Variants in MON2 observed in about 807,000 individuals in gnomAD.
The protein encoded by MON2 is MON2 regulator of endosome-to-Golgi trafficking, also known as protein MON2 homolog.
A neutral mutation model predicts 208.6 loss-of-function variants in MON2; 84 were observed. The ratio of observed to expected loss-of-function variants is 0.40; its 90% CI spans 0.34 to 0.48. The LOEUF (loss-of-function observed/expected upper bound fraction) is 0.48, where lower values mean the gene tolerates loss of function less well. Among genes scored for constraint, MON2 ranks in the 20% least tolerant of loss-of-function variants. The probability of loss-of-function intolerance (pLI) is 0.59; values close to 1 mark genes in which losing one functional copy is unlikely to be tolerated. For missense variants in MON2, 1,611 were observed against 2,015.4 expected (o/e 0.80, Z 3.84); for synonymous variants, 660 against 694.0 (o/e 0.95, Z 0.77).
chr12:62,535,538 G>A lies in MON2; in HGVS notation c.1729G>A (p.Ala577Thr). ...LLLDASTDEA[A>T]TENILKAELT... Reference sequence around the variant, plus strand: ...CTTTCTTTTCAGCACAGATGAAGCTGCCACTGAGAATATTTTAAAAGCTGA... The same window carrying A: ...CTTTCTTTTCAGCACAGATGAAGCTACCACTGAGAATATTTTAAAAGCTGA... Residue 577 changes from alanine (A) to threonine (T), a missense_variant, in exon 14 of 35, where the codon GCC becomes ACC. By Grantham distance (58) the Ala-to-Thr change is moderately conservative. Transcript: ENST00000393630. 1 of 1,604,900 alleles carries A rather than the reference G, an allele frequency of 6.2e-7. No homozygotes were observed. Among genetic ancestry groups the A allele is most frequent in the Non-Finnish European group, 8.5e-7 (1 of 1,176,850 alleles).
rs780432201 is a variant in MON2 at position 62,560,871 on chromosome 12, C to G, written c.3790C>G (p.Leu1264Val). Residue 1264 changes from leucine to valine, a missense_variant, in exon 26 of 35, where the codon CTA (leucine) becomes GTA (valine). By Grantham distance (32) the Leu-to-Val change is conservative. Coordinates refer to ENST00000393630, the MANE Select transcript of MON2 (RefSeq NM_015026.3). ...STKPPITFDK[L>V]TFIPSQPFLT... Reference sequence around the variant, plus strand: ...TAAGCCTCCTATTACTTTTGATAAACTAACTTTTATTCCTAGCCAGCCTTT... The same window carrying G: ...TAAGCCTCCTATTACTTTTGATAAAGTAACTTTTATTCCTAGCCAGCCTTT... The G allele has an allele frequency of 5.6e-6, 9 of 1,613,928 alleles. No individual in the cohort carries two copies. The highest frequency in any genetic ancestry group is 2.7e-5 in the African/African-American group (2 of 74,918).
intron 7 of MON2, 59 bp downstream of exon 7, chr12:62,501,757 TAAAG>T: frequency 1.3e-6 from 2 of 1,588,534 alleles, no homozygotes; most frequent in Non-Finnish European, 1.7e-6. Context: ...CAGATATTTT[TAAAG>T]AAAGCAACGT....
chr12:62,480,912 A>C (rs1227021263), intron 1 of MON2, among the ~76,000 whole-genome samples: 1 of 152,230 alleles, frequency 6.6e-6, no homozygotes, highest in Non-Finnish European at 1.5e-5. Context: ...GGAGAAGTTA[A>C]ACTCGAAAAT....
At chr12:62,472,701 T>G (rs2068854567) in intron 1 of MON2, among the ~76,000 whole-genome samples, 1 of 152,178 alleles carries the variant, frequency 6.6e-6, no homozygotes. Context: ...TGTCATTGGC[T>G]CTCCTGGTTG....
At chr12:62,544,854 A>T in intron 20 of MON2, 44 bp from the exon 21 acceptor site, 1 of 1,586,802 alleles carries the variant, frequency 6.3e-7, no homozygotes. Flanking sequence ...TGTGTGATTC[A>T]TAGCTTAAGT....
At chr12:62,503,131 T>A (rs1229458314) in intron 7 of MON2, among the ~76,000 whole-genome samples, 1 of 152,204 alleles carries the variant, frequency 6.6e-6, no homozygotes, top group Non-Finnish European at 1.5e-5. Flanking sequence ...CCAGATTCCT[T>A]ACATATTAAT....
intron 4 of MON2, among the ~76,000 whole-genome samples, chr12:62,496,554 T>C (rs2070498503): frequency 6.6e-6 from 1 of 152,204 alleles, no homozygotes. Flanking sequence ...AAACTACCAT[T>C]ATGTTTTTCT....
chr12:62,565,758 A>C (rs1314341963), intron 27 of MON2, among the ~76,000 whole-genome samples: 2 of 152,210 alleles, frequency 1.3e-5, no homozygotes, highest in African/African-American at 4.8e-5. Context: ...CCTGCCATGC[A>C]AGATGAAGAA....
intron 8 of MON2, among the ~76,000 whole-genome samples, chr12:62,519,170 C>T (rs1239319815): frequency 7.9e-5 from 12 of 152,198 alleles, no homozygotes; most frequent in East Asian, 5.8e-4. Flanking sequence ...CAAAACACCC[C>T]GACGGGTCAC....
At chr12:62,484,915 C>CTTTTTTTTTT (rs71084000) in intron 2 of MON2, 3 of 132,546 alleles carry the variant, frequency 2.3e-5, no homozygotes, top group Non-Finnish European at 4.8e-5. Context: ...GGTAAACTGG[C>CTTTTTTTTTT]TTTTTTTTTT....
chr12:62,547,143 C>T, intron 22 of MON2, 71 bp downstream of exon 22: 1 of 1,072,620 alleles, frequency 9.3e-7, no homozygotes, highest in Non-Finnish European at 1.2e-6. Context: ...AAATTAACAT[C>T]AAAAAAGTGA....
chr12:62,541,325 A>G (rs1418153060), intron 19 of MON2, among the ~76,000 whole-genome samples: 2 of 151,652 alleles, frequency 1.3e-5, no homozygotes, highest in Non-Finnish European at 1.5e-5. Flanking sequence ...CTGTGAGCCA[A>G]GATTGCGCCA....
chr12:62,517,528 G>A (rs1344792042), intron 8 of MON2, among the ~76,000 whole-genome samples: 2 of 152,022 alleles, frequency 1.3e-5, no homozygotes, highest in Non-Finnish European at 1.5e-5. Flanking sequence ...AAGGCATGAG[G>A]GTGGGACTCT....
intron 26 of MON2, 34 bp downstream of exon 26, chr12:62,561,147 T>C: frequency 6.6e-7 from 1 of 1,511,716 alleles, no homozygotes; most frequent in Non-Finnish European, 8.9e-7. Context: ...TAATACTGCA[T>C]ATAGTTCTCT....
At chr12:62,517,557 C>G (rs965352484) in intron 8 of MON2, among the ~76,000 whole-genome samples, 1 of 152,072 alleles carries the variant, frequency 6.6e-6, no homozygotes, top group African/African-American at 2.4e-5. Flanking sequence ...GATTAGTTCC[C>G]TCATAGAAAG....
At chr12:62,516,686 A>G (rs2071710015) in intron 8 of MON2, among the ~76,000 whole-genome samples, 1 of 152,208 alleles carries the variant, frequency 6.6e-6, no homozygotes, top group Non-Finnish European at 1.5e-5. Flanking sequence ...GCTGGGCAAC[A>G]AGAGCAAAAC....
chr12:62,498,284 A>G (rs2070644784), intron 4 of MON2, among the ~76,000 whole-genome samples: 1 of 152,180 alleles, frequency 6.6e-6, no homozygotes, highest in Admixed American at 6.5e-5. Context: ...GAAAATGTCC[A>G]TTGATCTGCA....
intron 30 of MON2, among the ~76,000 whole-genome samples, chr12:62,574,818 G>A (rs1178272209): frequency 6.6e-6 from 1 of 152,060 alleles, no homozygotes; most frequent in Non-Finnish European, 1.5e-5. Flanking sequence ...CCATCACTAG[G>A]CATTATTTTC....
At chr12:62,522,218 T>C (rs1565643070) in intron 8 of MON2, among the ~76,000 whole-genome samples, 1 of 152,088 alleles carries the variant, frequency 6.6e-6, no homozygotes, top group Admixed American at 6.6e-5. Flanking sequence ...AGCATATCTC[T>C]TTTCTGCCCT....
Sources: gnomAD v4.1 joint callset for allele counts (sites outside exome capture counted in the v4.1 genomes callset) on GRCh38, gnomAD v4.1.1 for gene constraint, MANE v1.5 for transcripts, NCBI Gene and HGNC (gene_info 2026-07-23, HGNC 2026-07-21) for gene names.